The following GRIK3 variants were observed in gnomAD, a reference collection of about 807,000 sequenced individuals.
The protein encoded by GRIK3 is glutamate ionotropic receptor kainate type subunit 3.
A neutral mutation model predicts 102.5 loss-of-function variants in GRIK3; 29 were observed. That is an observed-to-expected ratio of 0.28 (90% CI 0.21 to 0.39). The LOEUF is 0.39. GRIK3 is among the 10% of genes least tolerant of loss of function. The probability of loss-of-function intolerance (pLI) is 1.00; values close to 1 mark genes in which losing one functional copy is unlikely to be tolerated. For synonymous variants in GRIK3, 511 were observed against 504.9 expected (o/e 1.01, Z -0.16); for missense variants, 908 against 1,252.4 (o/e 0.73, Z 4.15).
chr1:36,931,583 T>C (rs773545094), intron 1 of GRIK3, among the ~76,000 whole-genome samples: 3 of 152,252 alleles, frequency 2.0e-5, no homozygotes, highest in African/African-American at 4.8e-5. Context: ...CCAGTCTGTA[T>C]TGAGCGCCCA....
chr1:36,967,379 C>T (rs1435933332), intron 1 of GRIK3, among the ~76,000 whole-genome samples: 1 of 152,230 alleles, frequency 6.6e-6, no homozygotes, highest in South Asian at 2.1e-4. Context: ...AACCTCCATG[C>T]CCAGCAGGGC....
In GRIK3 at chr1:36,806,070, C is replaced by T. The variant is rs375628943; in HGVS notation, c.2314+34G>A. On this transcript the variant is annotated intron_variant, in intron 14 of 15. Transcript: ENST00000373091. This position sits in a 1 kb window ranked among gnomAD's most constrained non-coding sequence, Gnocchi z 4.0. ...GGGTGGAGCCCTCCCTCTGCCCACA[C>T]ACCCACCCCTCCCACAGGCAGCCCC... 110 of 1,497,186 alleles carry T rather than the reference C, an allele frequency of 7.3e-5. 1 individual carries two copies. The African/African-American group carries it at 1.4e-3, about 19-fold the overall frequency. The allele number at this position is 1,497,186 out of a possible 1,614,324, so 92.7% of individuals were successfully genotyped here. A position where few individuals can be genotyped will look rare whatever the true frequency, so the allele number is the denominator to read the frequency against.
At chr1:36,947,169 C>T (rs535517499) in intron 1 of GRIK3, among the ~76,000 whole-genome samples, 2 of 152,238 alleles carry the variant, frequency 1.3e-5, no homozygotes, top group South Asian at 4.1e-4. Flanking sequence ...TCCTGGCCCA[C>T]TCCTGGGCCT....
intron 1 of GRIK3, among the ~76,000 whole-genome samples, chr1:36,909,224 T>C (rs1444900224): frequency 6.6e-6 from 1 of 152,090 alleles, no homozygotes; most frequent in Non-Finnish European, 1.5e-5. Context: ...TATTAAACCA[T>C]TGGCAGCCTG....
At chr1:37,031,470 C>T (rs900061712) in intron 1 of GRIK3, among the ~76,000 whole-genome samples, 1 of 151,800 alleles carries the variant, frequency 6.6e-6, no homozygotes, top group Middle Eastern at 3.2e-3. Flanking sequence ...AAATTTCAGC[C>T]CCCAAAAGAG....
intron 1 of GRIK3, among the ~76,000 whole-genome samples, chr1:36,923,533 C>G (rs1641496208): frequency 6.6e-6 from 1 of 152,170 alleles, no homozygotes; most frequent in South Asian, 2.1e-4. Context: ...GAGGTGGACA[C>G]CACTGCATGG....
chr1:37,014,909 T>TTCTC (rs1194950180), intron 1 of GRIK3, among the ~76,000 whole-genome samples: 3 of 144,010 alleles, frequency 2.1e-5, no homozygotes, highest in Non-Finnish European at 3.0e-5. Context: ...CTATCTCTGT[T>TTCTC]TCTCTCTCTC....
chr1:36,984,205 C>T (rs1642279962), intron 1 of GRIK3, among the ~76,000 whole-genome samples: 1 of 151,112 alleles, frequency 6.6e-6, no homozygotes, highest in African/African-American at 2.5e-5. Context: ...CGTTTGCACA[C>T]ACATTCACTC....
Position 36,891,161 on chromosome 1 carries a change from G to C in GRIK3, c.116-65C>G, listed in dbSNP as rs544509294. 3.0e-3 allele frequency: 3,795 copies of C among 1,256,740 alleles called. 4 individuals carry two copies. The highest frequency in any genetic ancestry group is 3.6e-3 in the Non-Finnish European group (3,241 of 889,606). The allele number at this position is 1,256,740 out of a possible 1,614,324, so 77.8% of individuals were successfully genotyped here. On this transcript the variant is annotated intron_variant, in intron 1 of 15. Coordinates refer to ENST00000373091, the MANE Select transcript of GRIK3 (RefSeq NM_000831.4). ...GGATGGGGCTCTAGCAAGGATGCTT[G>C]GCTCAAAAGATTTTATAGACAAGTT...
intron 2 of GRIK3, among the ~76,000 whole-genome samples, chr1:36,881,296 C>T (rs1415397217): frequency 1.3e-5 from 2 of 152,154 alleles, no homozygotes; most frequent in Non-Finnish European, 2.9e-5. Flanking sequence ...TCAACTTCAA[C>T]CTCTAGCCCG....
chr1:37,008,750 C>T (rs1212273178), intron 1 of GRIK3, among the ~76,000 whole-genome samples: 1 of 152,218 alleles, frequency 6.6e-6, no homozygotes, highest in African/African-American at 2.4e-5. Context: ...AGCTCCACTG[C>T]CTCCAGGACA....
chr1:37,020,903 A>C (rs1425422127), intron 1 of GRIK3, among the ~76,000 whole-genome samples: 3 of 152,086 alleles, frequency 2.0e-5, no homozygotes, highest in African/African-American at 7.2e-5. Context: ...GGTGTCTCTC[A>C]ATCTCCCTGG....
intron 13 of GRIK3, among the ~76,000 whole-genome samples, chr1:36,812,497 T>G (rs1642573719): frequency 6.6e-6 from 1 of 152,174 alleles, no homozygotes; most frequent in African/African-American, 2.4e-5. Context: ...CCTACATATT[T>G]TTATAGCCAA....
chr1:36,951,209 T>C (rs1455352143), intron 1 of GRIK3, among the ~76,000 whole-genome samples: 1 of 152,192 alleles, frequency 6.6e-6, no homozygotes, highest in African/African-American at 2.4e-5. Context: ...GGTCAGGACA[T>C]GTGAGCAGAG....
At chr1:36,976,076 T>C (rs1642193392) in intron 1 of GRIK3, among the ~76,000 whole-genome samples, 1 of 152,162 alleles carries the variant, frequency 6.6e-6, no homozygotes, top group Non-Finnish European at 1.5e-5. Context: ...CTGTGATGTG[T>C]TCTGGAAGCA....
Position 36,944,468 on chromosome 1 carries a change from C to T in GRIK3, c.116-53372G>A, listed in dbSNP as rs75952448. Among the ~76,000 whole-genome samples the T allele has an allele frequency of 7.2e-3, 1,087 of 151,926 alleles. 6 individuals carry two copies. The highest frequency in any genetic ancestry group is 0.011 in the Non-Finnish European group (756 of 67,960). ...GCAGGAAATTGAGAGTTGCAAGATA[C>T]CAGAGAAGAGGGGAGGGAAGAAGAA... On this transcript the variant is annotated intron_variant, in intron 1 of 15. Transcript: ENST00000373091.
At chr1:37,033,421 C>T (rs938089950) in intron 1 of GRIK3, among the ~76,000 whole-genome samples, 1 of 152,218 alleles carries the variant, frequency 6.6e-6, no homozygotes, top group African/African-American at 2.4e-5. Flanking sequence ...TCCTGCTCCC[C>T]CAACCCCCGC....
intron 1 of GRIK3, among the ~76,000 whole-genome samples, chr1:36,937,380 T>G (rs1641671024): frequency 6.6e-6 from 1 of 152,184 alleles, no homozygotes; most frequent in Non-Finnish European, 1.5e-5. Context: ...TGTTGTACTC[T>G]GCATGCAAGG....
At chr1:36,948,795 C>G (rs1400323146) in intron 1 of GRIK3, among the ~76,000 whole-genome samples, 9 of 152,166 alleles carry the variant, frequency 5.9e-5, no homozygotes, top group Admixed American at 5.9e-4. Flanking sequence ...CTCCAGCCCT[C>G]CAGCCCTCCA....
Sources: gnomAD v4.1 joint callset for allele counts (sites outside exome capture counted in the v4.1 genomes callset) on GRCh38, gnomAD v4.1.1 for gene constraint, Gnocchi (gnomAD v3.1) non-coding constraint, MANE v1.5 for transcripts, NCBI Gene and HGNC (gene_info 2026-07-23, HGNC 2026-07-21) for gene names.